The following TENM3 variants were observed in gnomAD, a reference collection of about 807,000 sequenced individuals.
TENM3 encodes teneurin-3.
In TENM3, 63 loss-of-function variants were observed where a neutral mutation model predicts 255.1. The ratio of observed to expected loss-of-function variants is 0.25; its 90% CI spans 0.20 to 0.30. The LOEUF is 0.30. TENM3 is among the 10% of genes least tolerant of loss of function. The pLI, the probability that TENM3 is intolerant of heterozygous loss-of-function variation, is 1.00. For synonymous variants in TENM3, 1,306 were observed against 1,322.3 expected (o/e 0.99, Z 0.27); for missense variants, 2,929 against 3,461.1 (o/e 0.85, Z 3.86).
the TENM3 span, among the ~76,000 whole-genome samples, chr4:181,635,402 G>A: frequency 1.3e-5 from 2 of 152,176 alleles, no homozygotes; most frequent in Admixed American, 1.3e-4. Context: ...AGTTTCCATC[G>A]AATGATCAAG....
At chr4:181,884,482 A>G in the TENM3 span, among the ~76,000 whole-genome samples, 1 of 152,106 alleles carries the variant, frequency 6.6e-6, no homozygotes, top group Non-Finnish European at 1.5e-5. Context: ...CGCAGTCCCA[A>G]GTAACCTCTA....
chr4:182,202,750 A>T (rs1255619875), intron 1 of TENM3, among the ~76,000 whole-genome samples: 2 of 152,180 alleles, frequency 1.3e-5, no homozygotes, highest in Non-Finnish European at 2.9e-5. Context: ...AGTGCCCATG[A>T]CTAAACCTAA....
the TENM3 span, among the ~76,000 whole-genome samples, chr4:181,561,024 C>T: frequency 2.0e-5 from 3 of 152,198 alleles, no homozygotes; most frequent in African/African-American, 7.2e-5. Context: ...GCGATTTCAA[C>T]TCACTGCAAC....
At chr4:181,969,709 G>T in the TENM3 span, among the ~76,000 whole-genome samples, 1 of 152,122 alleles carries the variant, frequency 6.6e-6, no homozygotes, top group Non-Finnish European at 1.5e-5. Context: ...TCGTGTTAAC[G>T]TACATAATAA....
chr4:182,129,174 G>A, the TENM3 span, among the ~76,000 whole-genome samples: 1 of 152,176 alleles, frequency 6.6e-6, no homozygotes, highest in Non-Finnish European at 1.5e-5. Flanking sequence ...CTGAAAAAAT[G>A]TTGCTAATGC....
At chr4:182,351,076 C>T (rs1765145853) in intron 3 of TENM3, among the ~76,000 whole-genome samples, 1 of 132,590 alleles carries the variant, frequency 7.5e-6, no homozygotes, top group Non-Finnish European at 1.6e-5. Flanking sequence ...CCTATTTAAA[C>T]GTCAGGAACA....
At chr4:181,467,465 C>T in the TENM3 span, among the ~76,000 whole-genome samples, 46 of 151,622 alleles carry the variant, frequency 3.0e-4, no homozygotes, top group African/African-American at 9.2e-4. Context: ...ACCATGTTAT[C>T]CAAGGGATTA....
intron 2 of TENM3, among the ~76,000 whole-genome samples, chr4:182,335,740 A>T (rs1764095895): frequency 6.6e-6 from 1 of 152,092 alleles, no homozygotes; most frequent in African/African-American, 2.4e-5. Flanking sequence ...AAATACCCAG[A>T]AACAAAATCA....
At chr4:182,008,553 G>C in the TENM3 span, among the ~76,000 whole-genome samples, 1 of 151,844 alleles carries the variant, frequency 6.6e-6, no homozygotes, top group Non-Finnish European at 1.5e-5. Context: ...TATGCTTCCT[G>C]AAATTCTCGT....
chr4:182,519,336 A>G (rs1738322220), intron 3 of TENM3, among the ~76,000 whole-genome samples: 1 of 152,218 alleles, frequency 6.6e-6, no homozygotes, highest in Non-Finnish European at 1.5e-5. Flanking sequence ...TGTGTGGTTC[A>G]TTTATATCTC....
intron 22 of TENM3, among the ~76,000 whole-genome samples, chr4:182,770,970 G>C (rs1764157314): frequency 6.6e-6 from 1 of 152,138 alleles, no homozygotes; most frequent in Non-Finnish European, 1.5e-5. Flanking sequence ...TGTTAAGCTG[G>C]GCCGCTAGGA....
chr4:182,485,011 G>C (rs1217946630), intron 3 of TENM3, among the ~76,000 whole-genome samples: 2 of 151,984 alleles, frequency 1.3e-5, no homozygotes, highest in African/African-American at 4.8e-5. Flanking sequence ...TTATAAATCT[G>C]TTTTTCATAG....
chr4:182,267,381 G>A (rs1460876677), intron 1 of TENM3, among the ~76,000 whole-genome samples: 3 of 152,108 alleles, frequency 2.0e-5, no homozygotes, highest in Admixed American at 6.5e-5. Context: ...GGACACAATT[G>A]GAAAAAGTGA....
chr4:182,257,638 G>A (rs1244510359), intron 1 of TENM3, among the ~76,000 whole-genome samples: 1 of 152,132 alleles, frequency 6.6e-6, no homozygotes, highest in Non-Finnish European at 1.5e-5. Flanking sequence ...GGCAAGTTGT[G>A]GTTAGTGAAG....
At chr4:181,919,463 C>A in the TENM3 span, among the ~76,000 whole-genome samples, 1 of 151,592 alleles carries the variant, frequency 6.6e-6, no homozygotes, top group South Asian at 2.1e-4. Flanking sequence ...ACCCTGAATT[C>A]AGCTTTTTAA....
At chr4:182,057,290 A>G in the TENM3 span, among the ~76,000 whole-genome samples, 2 of 149,324 alleles carry the variant, frequency 1.3e-5, no homozygotes, top group African/African-American at 4.9e-5. Context: ...AAATTTCTCA[A>G]AGAGAGAGAG....
chr4:182,622,335 A>T (rs1022412192), intron 4 of TENM3, among the ~76,000 whole-genome samples: 12 of 152,338 alleles, frequency 7.9e-5, no homozygotes, highest in Non-Finnish European at 1.3e-4. Flanking sequence ...TGACAAGAGC[A>T]AAACTCTATC....
chr4:182,387,260 T>G (rs902438652), intron 3 of TENM3, among the ~76,000 whole-genome samples: 5 of 152,136 alleles, frequency 3.3e-5, no homozygotes, highest in African/African-American at 9.7e-5. Context: ...AGCTCAAGCT[T>G]TGTGAGTGCA....
the TENM3 span, among the ~76,000 whole-genome samples, chr4:181,458,336 T>C: frequency 6.6e-6 from 1 of 151,970 alleles, no homozygotes; most frequent in Non-Finnish European, 1.5e-5. Flanking sequence ...TGAATCAGTG[T>C]AGATATTTTA....
Sources: gnomAD v4.1 joint callset for allele counts (sites outside exome capture counted in the v4.1 genomes callset) on GRCh38, gnomAD v4.1.1 for gene constraint, MANE v1.5 for transcripts, NCBI Gene and HGNC (gene_info 2026-07-23, HGNC 2026-07-21) for gene names.